UBAC2: variants seen among roughly 807,000 people sequenced by gnomAD.
UBAC2 encodes the protein ubiquitin-associated domain-containing protein 2.
A neutral mutation model predicts 44.0 loss-of-function variants in UBAC2; 26 were observed. The observed-to-expected ratio is 0.59, with a 90% confidence interval of 0.43 to 0.82. The LOEUF is 0.82. Among genes scored for constraint, UBAC2 ranks in the 40% least tolerant of loss-of-function variants. The pLI is 0.00. For synonymous variants in UBAC2, 155 were observed against 154.3 expected (o/e 1.00, Z -0.04); for missense variants, 329 against 419.4 (o/e 0.78, Z 1.88).
chr13:99,334,818 A>G (rs73568097), intron 6 of UBAC2, among the ~76,000 whole-genome samples: 2,025 of 152,336 alleles, frequency 0.013, 46 homozygotes, highest in African/African-American at 0.047. Flanking sequence ...AAACACTCCA[A>G]TCAAAAGGTA....
At chr13:99,304,174 C>T (rs2044296888) in intron 4 of UBAC2, among the ~76,000 whole-genome samples, 1 of 152,200 alleles carries the variant, frequency 6.6e-6, no homozygotes. Flanking sequence ...TGATCGTGGC[C>T]TGGCTCCAGG....
At chr13:99,265,807 G>A (rs190988080) in intron 4 of UBAC2, among the ~76,000 whole-genome samples, 14 of 152,272 alleles carry the variant, frequency 9.2e-5, no homozygotes, top group African/African-American at 3.1e-4. Flanking sequence ...TTACAAAGAC[G>A]TACCAAATAA....
intron 4 of UBAC2, chr13:99,258,553 G>A (rs2043608540): frequency 6.6e-6 from 1 of 152,102 alleles, no homozygotes; most frequent in South Asian, 2.1e-4. Context: ...AGTTTCTTCA[G>A]TTTGTGTACT....
chr13:99,288,940 G>T (rs2044054923), intron 4 of UBAC2, among the ~76,000 whole-genome samples: 1 of 152,220 alleles, frequency 6.6e-6, no homozygotes, highest in Admixed American at 6.5e-5. Context: ...AGAAGGAAAA[G>T]CTAGTGTCTC....
intron 7 of UBAC2, among the ~76,000 whole-genome samples, chr13:99,362,747 T>C (rs74589347): frequency 0.03 from 4,643 of 152,328 alleles, 96 homozygotes; most frequent in Middle Eastern, 0.13. Flanking sequence ...TTCATAAGTG[T>C]CATTGATTTA....
chr13:99,381,583 G>A (rs2045552599), intron 8 of UBAC2, among the ~76,000 whole-genome samples: 1 of 152,192 alleles, frequency 6.6e-6, no homozygotes, highest in Admixed American at 6.5e-5. Flanking sequence ...AGGCAGGCCA[G>A]CTCCCGTTTG....
chr13:99,288,959 TG>T (rs1303524350), intron 4 of UBAC2, among the ~76,000 whole-genome samples: 4 of 152,222 alleles, frequency 2.6e-5, no homozygotes, highest in African/African-American at 9.6e-5. Flanking sequence ...TCTTCCCCAA[TG>T]GAGTTTATGT....
chr13:99,350,300 T>C (rs944185380), intron 7 of UBAC2, among the ~76,000 whole-genome samples: 1 of 152,196 alleles, frequency 6.6e-6, no homozygotes, highest in Non-Finnish European at 1.5e-5. Flanking sequence ...GAAGTGTCTT[T>C]TCACATGGAT....
intron 6 of UBAC2, among the ~76,000 whole-genome samples, chr13:99,333,438 TA>T (rs1201519420): frequency 3.9e-5 from 6 of 152,260 alleles, no homozygotes; most frequent in Non-Finnish European, 7.3e-5. Flanking sequence ...CAATTTCCTT[TA>T]AAAGGATCTA....
At chr13:99,267,154 G>A (rs2043754660) in intron 4 of UBAC2, among the ~76,000 whole-genome samples, 1 of 151,700 alleles carries the variant, frequency 6.6e-6, no homozygotes, top group Non-Finnish European at 1.5e-5. Context: ...TGGGCTTCTT[G>A]GCCATTTATA....
chr13:99,385,162 A>C, intron 8 of UBAC2, 66 bp from the exon 9 acceptor site: 2 of 1,193,916 alleles, frequency 1.7e-6, no homozygotes, highest in Non-Finnish European at 2.5e-6. Flanking sequence ...CATGAAGAAC[A>C]TTTGGGGCCC....
At chr13:99,276,513 A>G (rs963189969) in intron 4 of UBAC2, among the ~76,000 whole-genome samples, 6 of 152,356 alleles carry the variant, frequency 3.9e-5, no homozygotes, top group African/African-American at 1.2e-4. Context: ...AGGGTGGGTG[A>G]GAGTGCACGG....
intron 1 of UBAC2, among the ~76,000 whole-genome samples, chr13:99,224,580 G>C (rs1327626557): frequency 6.6e-6 from 1 of 152,014 alleles, no homozygotes; most frequent in African/African-American, 2.4e-5. Context: ...CCCACCCAAT[G>C]TTTTAATTAT....
At chr13:99,251,922 C>A (rs564738803) in intron 4 of UBAC2, among the ~76,000 whole-genome samples, 2 of 152,160 alleles carry the variant, frequency 1.3e-5, no homozygotes, top group Non-Finnish European at 2.9e-5. Flanking sequence ...GCGTATACCC[C>A]TTCCATGTAT....
intron 4 of UBAC2, chr13:99,254,756 G>A (rs1444757820): frequency 1.8e-5 from 13 of 729,342 alleles, no homozygotes; most frequent in Admixed American, 3.0e-5. Flanking sequence ...TTAAAATGAA[G>A]ATAATGAATT....
At chr13:99,351,622 A>G in intron 7 of UBAC2, 1 of 456,746 alleles carries the variant, frequency 2.2e-6, no homozygotes. Context: ...CTGTTGGCTG[A>G]TGATGAGAAT....
At chr13:99,242,689 C>A (rs1196293260) in intron 2 of UBAC2, among the ~76,000 whole-genome samples, 1 of 99,080 alleles carries the variant, frequency 1.0e-5, no homozygotes, top group Non-Finnish European at 2.2e-5. Context: ...GGGCTGACCC[C>A]CCCCACCTCC....
intron 6 of UBAC2, among the ~76,000 whole-genome samples, chr13:99,321,951 T>C (rs2044574029): frequency 6.6e-6 from 1 of 152,254 alleles, no homozygotes; most frequent in Non-Finnish European, 1.5e-5. Context: ...TAAAGATGAC[T>C]GTAAGATTAT....
At chr13:99,316,987 A>G (rs1268028568) in intron 5 of UBAC2, among the ~76,000 whole-genome samples, 1 of 152,242 alleles carries the variant, frequency 6.6e-6, no homozygotes, top group East Asian at 1.9e-4. Context: ...CATCCTTATT[A>G]TTATCAGAGT....
Sources: gnomAD v4.1 joint callset for allele counts (sites outside exome capture counted in the v4.1 genomes callset) on GRCh38, gnomAD v4.1.1 for gene constraint, MANE v1.5 for transcripts, NCBI Gene and HGNC (gene_info 2026-07-23, HGNC 2026-07-21) for gene names.